ARID3C: variants seen among roughly 807,000 people sequenced by gnomAD.
The protein encoded by ARID3C is AT-rich interaction domain 3C.
A neutral mutation model predicts 37.9 loss-of-function variants in ARID3C; 42 were observed. The ratio of observed to expected loss-of-function variants is 1.11; its 90% CI spans 0.87 to 1.43. ARID3C has a LOEUF of 1.43. Among genes scored for constraint, ARID3C ranks in the 40% most tolerant of loss-of-function variants. The probability of loss-of-function intolerance (pLI) is 0.00; values close to 1 mark genes in which losing one functional copy is unlikely to be tolerated. For synonymous variants in ARID3C, 213 were observed against 228.0 expected (o/e 0.93, Z 0.59); for missense variants, 581 against 548.8 (o/e 1.06, Z -0.59).
At chr9:34,628,145 G>C, upstream of ARID3C, 1 of 1,256,116 alleles carries the variant, frequency 8.0e-7, no homozygotes, top group Non-Finnish European at 1.1e-6. The surrounding 1 kb of genome is among the most constrained non-coding windows in gnomAD (Gnocchi z 5.2). Context: ...CCCCAACACA[G>C]GGGGAGGTGG....
rs1456588581 is a variant in ARID3C, at chr9:34,628,050, T to A, written c.-36A>T. Reference sequence around the variant, plus strand: ...AGGCGCAGTCCCCCAGCTGAGGGGGTCCCTGGTACCAGGCGGGACCCCGAG... The same window carrying A: ...AGGCGCAGTCCCCCAGCTGAGGGGGACCCTGGTACCAGGCGGGACCCCGAG... On this transcript the variant is annotated 5_prime_UTR_variant, in exon 1 of 7. Coordinates refer to ENST00000378909, the Ensembl canonical transcript of ARID3C. This position sits in a 1 kb window ranked among gnomAD's most constrained non-coding sequence, Gnocchi z 5.2. 6.2e-6 allele frequency: 9 copies of A among 1,450,524 alleles called. No homozygotes were observed. In the Admixed American group the frequency reaches 1.4e-4, roughly 23 times the overall value. 89.9% of individuals were successfully genotyped at this position (1,450,524 alleles called of 1,614,324 possible).
chr9:34,623,018 C>G (rs569109765), intron 4 of ARID3C, among the ~76,000 whole-genome samples: 1 of 151,810 alleles, frequency 6.6e-6, no homozygotes, highest in East Asian at 1.9e-4. Context: ...TGGTGGCGGG[C>G]CCCTGTAGTC....
intron 1 of ARID3C, among the ~76,000 whole-genome samples, chr9:34,627,358 C>A (rs1319828795): frequency 6.6e-6 from 1 of 152,150 alleles, no homozygotes; most frequent in East Asian, 1.9e-4. Flanking sequence ...CTTCCCTACA[C>A]CTGGCTGGGC....
upstream of ARID3C, among the ~76,000 whole-genome samples, chr9:34,628,601 TCAGAGACGGA>T (rs1167026786): frequency 4.0e-5 from 6 of 151,644 alleles, no homozygotes. The surrounding 1 kb of genome is among the most constrained non-coding windows in gnomAD (Gnocchi z 5.2). Context: ...GACAGGTAGC[TCAGAGACGGA>T]CAGAGACGGA....
chr9:34,623,964 C>A (rs1305310717), exon 3 of ARID3C: 2 of 1,605,212 alleles, frequency 1.2e-6, no homozygotes, highest in East Asian at 2.2e-5. Context: ...TCCACCAGGC[C>A]GCCCTTGGCG....
chr9:34,622,687 C>A (rs12337956), intron 4 of ARID3C, among the ~76,000 whole-genome samples, 158 bp from the exon 6 acceptor site: 2 of 152,166 alleles, frequency 1.3e-5, no homozygotes, highest in Non-Finnish European at 2.9e-5. Flanking sequence ...AGCCTGGAAG[C>A]GCTGAAGCTT....
At chr9:34,627,669 G>A (rs751175955) in intron 1 of ARID3C, 28 bp downstream of exon 2, 78 of 1,559,442 alleles carry the variant, frequency 5.0e-5, no homozygotes, top group South Asian at 4.8e-4. Context: ...TAGGGAAGAG[G>A]GCCGGACATT....
intron 5 of ARID3C, 37 bp from the exon 7 acceptor site, chr9:34,622,146 A>C: frequency 6.2e-7 from 1 of 1,611,044 alleles, no homozygotes; most frequent in Non-Finnish European, 8.5e-7. Flanking sequence ...CATTTTGGAG[A>C]ATCAGACTTC....
chr9:34,623,794 G>T (rs1347370426), intron 3 of ARID3C, 70 bp downstream of exon 4: 13 of 1,505,322 alleles, frequency 8.6e-6, no homozygotes, highest in Non-Finnish European at 1.2e-5. Context: ...GCCCGCCCGG[G>T]GACCCTCCCC....
At chr9:34,629,066 T>G (rs1820698285), upstream of ARID3C, among the ~76,000 whole-genome samples, 1 of 151,654 alleles carries the variant, frequency 6.6e-6, no homozygotes, top group African/African-American at 2.4e-5. Flanking sequence ...CTCGCCGCGC[T>G]GCTTGCGGCG....
chr9:34,623,482 T>G, exon 4 of ARID3C: 1 of 1,537,858 alleles, frequency 6.5e-7, no homozygotes, highest in Non-Finnish European at 8.7e-7. Flanking sequence ...AGGCCGGAGG[T>G]GGAACCCTGG....
chr9:34,627,543 TTCTC>T (rs968617829), intron 1 of ARID3C, among the ~76,000 whole-genome samples, 150 bp downstream of exon 2: 1 of 152,162 alleles, frequency 6.6e-6, no homozygotes, highest in African/African-American at 2.4e-5. Flanking sequence ...TCCTCCAATC[TTCTC>T]TCTGTCTTTC....
chr9:34,625,178 G>A (rs2132312741), intron 2 of ARID3C, among the ~76,000 whole-genome samples: 1 of 152,250 alleles, frequency 6.6e-6, no homozygotes, highest in East Asian at 1.9e-4. Context: ...TCGGTCCCAT[G>A]AATCTGGGAA....
intron 2 of ARID3C, 126 bp from the exon 4 acceptor site, chr9:34,624,173 AGAACCCCAGG>A: frequency 8.6e-7 from 1 of 1,164,476 alleles, no homozygotes; most frequent in Non-Finnish European, 1.2e-6. Flanking sequence ...CGGAGCCCAC[AGAACCCCAGG>A]GTCTCTGTTT....
exon 1 of ARID3C, chr9:34,627,800 G>A: frequency 1.2e-6 from 2 of 1,614,002 alleles, no homozygotes; most frequent in Non-Finnish European, 8.5e-7. Context: ...CTCCTCAGCT[G>A]CCTCCTCCTC....
At chr9:34,623,963 C>T (rs1158475951) in exon 3 of ARID3C, 1 of 1,605,370 alleles carries the variant, frequency 6.2e-7, no homozygotes, top group Admixed American at 1.7e-5. Context: ...TTCCACCAGG[C>T]CGCCCTTGGC....
At chr9:34,623,292 G>A in intron 4 of ARID3C, 133 bp downstream of exon 5, 1 of 1,102,466 alleles carries the variant, frequency 9.1e-7, no homozygotes, top group Non-Finnish European at 1.2e-6. Context: ...AACCTCAGAA[G>A]CCCGTCAGAC....
At chr9:34,622,989 T>C (rs1820596500) in intron 4 of ARID3C, among the ~76,000 whole-genome samples, 1 of 151,212 alleles carries the variant, frequency 6.6e-6, no homozygotes, top group African/African-American at 2.4e-5. Context: ...CTACTAAAAA[T>C]ACAAAAATTA....
At chr9:34,629,998 A>G (rs1474563312), upstream of ARID3C, among the ~76,000 whole-genome samples, 12 of 152,094 alleles carry the variant, frequency 7.9e-5, no homozygotes, top group Admixed American at 3.9e-4. Flanking sequence ...CCTGACCTCA[A>G]GTGATCCACC....
Sources: allele counts gnomAD v4.1 joint callset (sites outside exome capture counted in the v4.1 genomes callset), GRCh38; gene constraint gnomAD v4.1.1; non-coding constraint Gnocchi (gnomAD v3.1); transcripts MANE v1.5; gene names NCBI Gene and HGNC (gene_info 2026-07-23, HGNC 2026-07-21).